The following PDE3B variants were observed in gnomAD, a reference collection of about 807,000 sequenced individuals.
PDE3B encodes cGMP-inhibited 3',5'-cyclic phosphodiesterase 3B.
In PDE3B, 66 loss-of-function variants were observed where a neutral mutation model predicts 116.8. That is an observed-to-expected ratio of 0.56 (90% CI 0.46 to 0.69). The LOEUF (loss-of-function observed/expected upper bound fraction) is 0.69, where lower values mean the gene tolerates loss of function less well. PDE3B is among the 30% of genes least tolerant of loss of function. The pLI is 0.00. For synonymous variants in PDE3B, 595 were observed against 533.6 expected (o/e 1.12, Z -1.59); for missense variants, 1,384 against 1,368.1 (o/e 1.01, Z -0.18).
chr11:14,854,952 AT>A (rs1194451422), intron 12 of PDE3B, among the ~76,000 whole-genome samples: 2 of 152,118 alleles, frequency 1.3e-5, no homozygotes, highest in African/African-American at 4.8e-5. Context: ...GCATCTAATT[AT>A]TTTTTTTAAA....
In PDE3B at chr11:14,681,041, G is replaced by A. The variant is rs539977763; in HGVS notation, c.978+35988G>A. ...GCCAAAAACATATTTTTGGCTTACA[G>A]TATTCTCACCAGTCAAAACCAGACT... On this transcript the variant is annotated intron_variant, in intron 1 of 15. Transcript: ENST00000282096. Among the ~76,000 whole-genome samples the A allele has an allele frequency of 8.9e-4, 135 of 152,248 alleles. No homozygotes were observed. In the Middle Eastern group the frequency reaches 0.02, roughly 23 times the overall value.
chr11:14,674,073 A>G (rs1394729776), intron 1 of PDE3B: 21 of 1,529,174 alleles, frequency 1.4e-5, no homozygotes, highest in Admixed American at 1.7e-5. Flanking sequence ...TTAGCTCTTC[A>G]GGAAGCTTTA....
chr11:14,698,054 C>A (rs1855261925), intron 1 of PDE3B, among the ~76,000 whole-genome samples: 1 of 151,808 alleles, frequency 6.6e-6, no homozygotes, highest in Non-Finnish European at 1.5e-5. Flanking sequence ...AGTGGACAAT[C>A]TTCTTTTCTC....
At chr11:14,804,932 G>A (rs1858875481) in intron 5 of PDE3B, among the ~76,000 whole-genome samples, 1 of 152,102 alleles carries the variant, frequency 6.6e-6, no homozygotes, top group Non-Finnish European at 1.5e-5. Flanking sequence ...GAATACAAAA[G>A]TAGTGAACTT....
chr11:14,761,306 T>G (rs964573388), intron 1 of PDE3B, among the ~76,000 whole-genome samples: 1 of 152,170 alleles, frequency 6.6e-6, no homozygotes, highest in Non-Finnish European at 1.5e-5. Context: ...GTGCAATGTT[T>G]GGGAAAATAA....
At chr11:14,842,770 A>T (rs535736855) in intron 11 of PDE3B, among the ~76,000 whole-genome samples, 5 of 152,298 alleles carry the variant, frequency 3.3e-5, no homozygotes, top group East Asian at 3.9e-4. Context: ...CATAAATTTT[A>T]AAAAAATGCT....
intron 1 of PDE3B, among the ~76,000 whole-genome samples, chr11:14,764,838 A>T (rs1857451881): frequency 1.3e-5 from 2 of 151,884 alleles, no homozygotes; most frequent in South Asian, 2.1e-4. Flanking sequence ...ATCAGTTTCC[A>T]AGTAATACTA....
chr11:14,895,979 G>T, the PDE3B span, among the ~76,000 whole-genome samples: 1 of 152,030 alleles, frequency 6.6e-6, no homozygotes, highest in Non-Finnish European at 1.5e-5. Flanking sequence ...TGCAGAAGGG[G>T]AAAGGAAGTT....
At chr11:14,790,943 G>A (rs1198736729) in intron 4 of PDE3B, among the ~76,000 whole-genome samples, 1 of 152,036 alleles carries the variant, frequency 6.6e-6, no homozygotes, top group Admixed American at 6.6e-5. Flanking sequence ...TTTTTGCAAT[G>A]ATGGAAATAG....
chr11:14,768,779 C>T (rs936909837), intron 1 of PDE3B, among the ~76,000 whole-genome samples: 1 of 151,372 alleles, frequency 6.6e-6, no homozygotes, highest in Non-Finnish European at 1.5e-5. Context: ...AATGTCTCAC[C>T]ATTGTCAAAT....
intron 1 of PDE3B, among the ~76,000 whole-genome samples, chr11:14,659,219 G>A (rs573892506): frequency 6.6e-6 from 1 of 152,296 alleles, no homozygotes; most frequent in East Asian, 1.9e-4. Context: ...TAAAGGAGGA[G>A]CATGGAATGA....
intron 1 of PDE3B, among the ~76,000 whole-genome samples, chr11:14,666,558 A>G (rs1447924750): frequency 6.6e-6 from 1 of 151,700 alleles, no homozygotes; most frequent in East Asian, 1.9e-4. Context: ...AATATCCAGA[A>G]TCTACAATGA....
In PDE3B at chr11:14,831,667, A is replaced by G. The variant is rs567387302; in HGVS notation, c.1984A>G (p.Ile662Val). The G allele has an allele frequency of 4.4e-6, 7 of 1,591,340 alleles. No homozygotes were observed. The highest frequency in any genetic ancestry group is 1.7e-4 in the Middle Eastern group (1 of 6,006). Residue 662 changes from isoleucine (I) to valine (V), a missense_variant, in exon 9 of 16, where the codon ATT (isoleucine) becomes GTT (valine). Around this residue, in one of 2 missense-constraint regions of PDE3B, gnomAD observed 428 missense variants for 561.4 expected, o/e 0.76. Transcript: ENST00000282096. ...NIEQEVSLDL[I>V]LVEEYDSLIE... ...TGAACAGGAAGTATCACTGGACCTG[A>G]TTTTAGTAGAAGAGTATGACTCATT... is the stretch of plus-strand genomic sequence containing the variant.
At chr11:14,725,309 C>CTCTTTCTTTCTTTCTTTCTTTCTT (rs10534250) in intron 1 of PDE3B, among the ~76,000 whole-genome samples, 9 of 147,312 alleles carry the variant, frequency 6.1e-5, no homozygotes, top group African/African-American at 2.3e-4. Flanking sequence ...TTCTTTCTTT[C>CTCTTTCTTTCTTTCTTTCTTTCTT]TCTTTCTTTC....
intron 1 of PDE3B, among the ~76,000 whole-genome samples, chr11:14,768,088 T>C (rs1218021451): frequency 6.6e-6 from 1 of 151,446 alleles, no homozygotes; most frequent in Non-Finnish European, 1.5e-5. Context: ...AAAGTATTAT[T>C]CCCACATTTT....
intron 1 of PDE3B, among the ~76,000 whole-genome samples, chr11:14,743,980 G>A (rs552008800): frequency 5.9e-5 from 9 of 152,318 alleles, no homozygotes; most frequent in South Asian, 4.1e-4. Flanking sequence ...CTCTCTGGGA[G>A]CTGCAGACCA....
rs777211184 is a variant in PDE3B at position 14,644,613 on chromosome 11, G to A, written c.538G>A (p.Asp180Asn). Residue 180 changes from aspartate to asparagine, a missense_variant, in exon 1 of 16, where the codon GAC becomes AAC. Asp to Asn is a conservative substitution (Grantham distance 23, BLOSUM62 1). This residue lies in a region of PDE3B where 956 missense variants were observed against 806.8 expected (regional missense o/e 1.18). Transcript: ENST00000282096. ...GTGGTCTTGGCCTTGGGGGGATGGC[G>A]ACGCAGGGTCCGCGGCCCCGCACAC... ...QWWSWPWGDG[D>N]AGSAAPHTPP... is the part of the protein sequence containing the mutation. The A allele has an allele frequency of 1.4e-5, 22 of 1,538,912 alleles. 1 individual carries two copies. Among genetic ancestry groups the A allele is most frequent in the Middle Eastern group, 3.4e-4 (2 of 5,854 alleles).
chr11:14,653,588 A>C (rs1281954276), intron 1 of PDE3B, among the ~76,000 whole-genome samples: 2 of 152,026 alleles, frequency 1.3e-5, no homozygotes, highest in Non-Finnish European at 2.9e-5. Flanking sequence ...AAAAACCAAC[A>C]AAAAAACCAC....
At chr11:14,755,688 C>A (rs561982368) in intron 1 of PDE3B, among the ~76,000 whole-genome samples, 1 of 152,248 alleles carries the variant, frequency 6.6e-6, no homozygotes, top group East Asian at 1.9e-4. Context: ...CATTGGAAGA[C>A]CCACATTACA....
Sources: gnomAD v4.1 joint callset for allele counts (sites outside exome capture counted in the v4.1 genomes callset) on GRCh38, gnomAD v4.1.1 for gene constraint, gnomAD v4.1.1 regional missense constraint, MANE v1.5 for transcripts, NCBI Gene and HGNC (gene_info 2026-07-23, HGNC 2026-07-21) for gene names.